CAMKK2: variants seen among roughly 807,000 people sequenced by gnomAD.
The protein encoded by CAMKK2 is calcium/calmodulin-dependent protein kinase kinase 2.
Under a neutral mutation model 67.2 loss-of-function variants are expected in CAMKK2, and 30 were observed. The ratio of observed to expected loss-of-function variants is 0.45; its 90% confidence interval spans 0.33 to 0.61. CAMKK2 has a LOEUF of 0.61. CAMKK2 is among the 20% of genes least tolerant of loss of function. The pLI is 0.02. For missense variants in CAMKK2, 643 were observed against 802.0 expected, an observed-to-expected ratio of 0.80 and a Z score of 2.39; for synonymous variants, 322 against 326.2, an observed-to-expected ratio of 0.99 and a Z score of 0.14.
intron 1 of CAMKK2, among the ~76,000 whole-genome samples, chr12:121,281,528 C>CATTCAT (rs1449047222): frequency 1.3e-5 from 2 of 152,244 alleles, no homozygotes; most frequent in African/African-American, 4.8e-5. Context: ...TTCATTCATT[C>CATTCAT]ATTCATTCAT....
intron 1 of CAMKK2, among the ~76,000 whole-genome samples, chr12:121,284,858 A>G (rs1898431024): frequency 6.6e-6 from 1 of 152,214 alleles, no homozygotes; most frequent in South Asian, 2.1e-4. Context: ...GCACAGGGAC[A>G]TGGACATGAC....
At chr12:121,265,438 G>A (rs1406440416) in intron 5 of CAMKK2, among the ~76,000 whole-genome samples, 1 of 152,128 alleles carries the variant, frequency 6.6e-6, no homozygotes, top group Non-Finnish European at 1.5e-5. Flanking sequence ...AGGTGCTACG[G>A]TCAGGATGTT....
intron 1 of CAMKK2, among the ~76,000 whole-genome samples, chr12:121,280,865 A>G (rs981464281): frequency 6.6e-6 from 1 of 152,188 alleles, no homozygotes; most frequent in Non-Finnish European, 1.5e-5. Flanking sequence ...ATGTTGCCCG[A>G]AACTTCATTA....
At chr12:121,281,601 G>T (rs770103819) in intron 1 of CAMKK2, among the ~76,000 whole-genome samples, 3 of 152,210 alleles carry the variant, frequency 2.0e-5, no homozygotes, top group Non-Finnish European at 4.4e-5. Flanking sequence ...AACAGATGTG[G>T]TTTTTGCCCT....
intron 13 of CAMKK2, among the ~76,000 whole-genome samples, chr12:121,248,955 G>T (rs1439077771): frequency 1.3e-5 from 2 of 152,238 alleles, no homozygotes; most frequent in African/African-American, 4.8e-5. Context: ...TGGAAGTGGG[G>T]CGATTCTCCA....
rs1007126222 is a variant in CAMKK2 at position 121,239,296 on chromosome 12, C to T, written c.*1403G>A. The T allele has an allele frequency of 3.9e-5, 6 of 152,242 alleles. No individual in the cohort carries two copies. Among genetic ancestry groups the T allele is most frequent in the African/African-American group, 1.4e-4 (6 of 41,450 alleles). The allele number at this position is 152,242 out of a possible 1,614,324, so 9.4% of individuals were successfully genotyped here. A position where few individuals can be genotyped will look rare whatever the true frequency, so the allele number is the denominator to read the frequency against. The stretch of plus-strand genomic sequence containing the variant: ...AAGGCAGAGTCCTTCCAGCTTTCCT[C>T]CCCCTCAACTTCACACTCCCCTACC... On this transcript the variant is annotated 3_prime_UTR_variant, in exon 17 of 17. Transcript: ENST00000404169.
At chr12:121,263,499 T>C (rs1238963753) in intron 6 of CAMKK2, among the ~76,000 whole-genome samples, 1 of 152,176 alleles carries the variant, frequency 6.6e-6, no homozygotes, top group Non-Finnish European at 1.5e-5. Context: ...ACTACCCATA[T>C]GTGTAAGTAG....
In CAMKK2 at chr12:121,238,088, C is replaced by T. The variant is rs1887831199; in HGVS notation, c.*2611G>A. 1.3e-5 allele frequency: 2 copies of T among 152,544 alleles called. No individual in the cohort carries two copies. The highest frequency in any genetic ancestry group is 4.8e-5 in the African/African-American group (2 of 41,460). The allele number at this position is 152,544 out of a possible 1,614,324, so 9.4% of individuals were successfully genotyped here. On this transcript the variant is annotated 3_prime_UTR_variant, in exon 17 of 17. Transcript: ENST00000404169. ...AGGCCTGTGTGTCCACCTGCACAGG[C>T]ATTCTCCTTGTTCCAGAAAGGCTCT...
Position 121,255,566 on chromosome 12 carries a change from G to T in CAMKK2, c.891C>A (p.Ile297=). 1 of 1,611,378 alleles carries T rather than the reference G, an allele frequency of 6.2e-7. No homozygotes were observed. ...DQARFYFQDL[I]KGIEYLHYQK... ...CCTGCTCACAGTACTCGATGCCTTT[G>T]ATCAGATCCTGGAAGTAGAAACGGG... Residue 297 remains isoleucine (I), a synonymous_variant, in exon 9 of 17, where the codon ATC becomes ATA. Transcript: ENST00000404169.
At chr12:121,257,748 G>C (rs1345343450) in intron 7 of CAMKK2, among the ~76,000 whole-genome samples, 2 of 152,128 alleles carry the variant, frequency 1.3e-5, no homozygotes, top group African/African-American at 4.8e-5. Flanking sequence ...TAAAAACAAA[G>C]GCAATGCTGC....
rs1889224757 is a variant in CAMKK2, at chr12:121,245,305, A to C, written c.1453-65T>G. On this transcript the variant is annotated intron_variant, in intron 14 of 16. Coordinates refer to ENST00000404169, the MANE Select transcript of CAMKK2 (RefSeq NM_001270485.2). The surrounding 1 kb of genome is among the most constrained non-coding windows in gnomAD (Gnocchi z 5.8). ...GGCCATGTGGGGGCGATTCTGGGCA[A>C]CATCCTCCCTCTTCCTTCTCCCCAG... 2.0e-6 allele frequency: 2 copies of C among 977,402 alleles called. No homozygotes were observed. The highest frequency in any genetic ancestry group is 3.2e-6 in the Non-Finnish European group (2 of 623,414). 60.5% of individuals were successfully genotyped at this position (977,402 alleles called of 1,614,324 possible).
intron 3 of CAMKK2, 199 bp from the exon 4 acceptor site, chr12:121,269,780 G>A (rs1895350175): frequency 3.6e-6 from 2 of 550,798 alleles, no homozygotes; most frequent in Non-Finnish European, 6.5e-6. Flanking sequence ...GGAGCGCAGT[G>A]GCTCATACCT....
intron 7 of CAMKK2, among the ~76,000 whole-genome samples, chr12:121,257,527 CA>C (rs1366703270): frequency 6.6e-6 from 1 of 151,808 alleles, no homozygotes; most frequent in Non-Finnish European, 1.5e-5. Flanking sequence ...GGGTTACAGG[CA>C]AAAAAATTTT....
intron 2 of CAMKK2, 125 bp from the exon 3 acceptor site, chr12:121,271,070 T>A: frequency 1.4e-6 from 1 of 724,826 alleles, no homozygotes; most frequent in Non-Finnish European, 2.5e-6. Context: ...AGTTCAGGAG[T>A]TCCAGACCAG....
At chr12:121,258,371 C>T (rs568574124) in intron 7 of CAMKK2, among the ~76,000 whole-genome samples, 23 of 152,138 alleles carry the variant, frequency 1.5e-4, no homozygotes, top group African/African-American at 3.9e-4. Flanking sequence ...CTTACTCTGT[C>T]GCCCAGGCTA....
At chr12:121,281,275 C>T (rs998277475) in intron 1 of CAMKK2, among the ~76,000 whole-genome samples, 3 of 152,274 alleles carry the variant, frequency 2.0e-5, no homozygotes, top group Non-Finnish European at 2.9e-5. Context: ...CTACCTCCCG[C>T]GCAGCAAGCT....
At chr12:121,275,532 G>C (rs1896642708) in intron 1 of CAMKK2, among the ~76,000 whole-genome samples, 1 of 148,682 alleles carries the variant, frequency 6.7e-6, no homozygotes, top group Non-Finnish European at 1.5e-5. Context: ...TCAAGTATAT[G>C]CCACAATATG....
intron 11 of CAMKK2, 30 bp from the exon 12 acceptor site, chr12:121,250,064 T>G (rs1278991924): frequency 6.3e-7 from 1 of 1,576,950 alleles, no homozygotes; most frequent in South Asian, 1.1e-5. Context: ...AGAGTGGCAG[T>G]CAATGGCGGC....
intron 7 of CAMKK2, among the ~76,000 whole-genome samples, chr12:121,256,784 C>T (rs1243229195): frequency 6.6e-6 from 1 of 152,104 alleles, no homozygotes; most frequent in Non-Finnish European, 1.5e-5. Context: ...GGATAGACCA[C>T]ATTTTCTTTG....
Sources: gnomAD v4.1 joint callset for allele counts (sites outside exome capture counted in the v4.1 genomes callset) on GRCh38, gnomAD v4.1.1 for gene constraint, Gnocchi (gnomAD v3.1) non-coding constraint, MANE v1.5 for transcripts, NCBI Gene and HGNC (gene_info 2026-07-23, HGNC 2026-07-21) for gene names.